KDM4C: variants seen among roughly 807,000 people sequenced by gnomAD.
The protein encoded by KDM4C is lysine demethylase 4C.
Under a neutral mutation model 129.3 loss-of-function variants are expected in KDM4C, and 81 were observed. The observed-to-expected ratio is 0.63, with a 90% CI of 0.52 to 0.75. The LOEUF is 0.75. KDM4C is among the 30% of genes least tolerant of loss of function. The pLI, the probability that KDM4C is intolerant of heterozygous loss-of-function variation, is 0.00. For missense variants in KDM4C, 1,457 were observed against 1,304.0 expected, an observed-to-expected ratio of 1.12 and a Z score of -1.81; for synonymous variants, 573 against 456.1, an observed-to-expected ratio of 1.26 and a Z score of -3.26.
At chr9:6,882,805 T>TGTGTGTGTGC (rs66830716) in intron 6 of KDM4C, among the ~76,000 whole-genome samples, 2 of 149,154 alleles carry the variant, frequency 1.3e-5, no homozygotes, top group Non-Finnish European at 3.0e-5. Context: ...TGTGTGTGTG[T>TGTGTGTGTGC]GCGCGTGTGC....
chr9:7,173,098 G>T (rs1264133197), intron 21 of KDM4C, among the ~76,000 whole-genome samples: 1 of 152,232 alleles, frequency 6.6e-6, no homozygotes, highest in Non-Finnish European at 1.5e-5. Context: ...TGGGTACACA[G>T]TCCCTAATAT....
chr9:6,887,543 C>T (rs1218457101), intron 6 of KDM4C, among the ~76,000 whole-genome samples: 1 of 152,168 alleles, frequency 6.6e-6, no homozygotes, highest in Non-Finnish European at 1.5e-5. Context: ...ATGAGTGCTT[C>T]AGGAATGCAT....
At chr9:6,792,350 ATTTTT>A (rs1826829123) in intron 1 of KDM4C, among the ~76,000 whole-genome samples, 6 of 151,634 alleles carry the variant, frequency 4.0e-5, no homozygotes, top group East Asian at 2.0e-4. Context: ...CAAAAAAAAA[ATTTTT>A]ATTTATTTTT....
intron 8 of KDM4C, among the ~76,000 whole-genome samples, chr9:6,957,198 C>T (rs898197398): frequency 2.6e-5 from 4 of 152,160 alleles, no homozygotes; most frequent in African/African-American, 7.2e-5. Flanking sequence ...TGCAAATTCT[C>T]CCTGGCACAC....
At chr9:6,897,130 G>GT (rs1329261943) in intron 8 of KDM4C, among the ~76,000 whole-genome samples, 1 of 152,140 alleles carries the variant, frequency 6.6e-6, no homozygotes, top group African/African-American at 2.4e-5. Flanking sequence ...TAAATTCTCT[G>GT]TTTTTTCAGT....
chr9:6,980,258 C>G (rs980476063), intron 8 of KDM4C, among the ~76,000 whole-genome samples: 2 of 152,144 alleles, frequency 1.3e-5, no homozygotes, highest in African/African-American at 4.8e-5. Context: ...TGACTGATAA[C>G]TATGTATTCA....
intron 8 of KDM4C, among the ~76,000 whole-genome samples, chr9:6,948,406 C>T (rs1439047182): frequency 6.8e-6 from 1 of 147,600 alleles, no homozygotes; most frequent in Non-Finnish European, 1.5e-5. Flanking sequence ...ATAAAAGTGA[C>T]CTTGTAGAAA....
intron 8 of KDM4C, among the ~76,000 whole-genome samples, chr9:6,920,305 A>G (rs1821246991): frequency 6.6e-6 from 1 of 152,182 alleles, no homozygotes; most frequent in South Asian, 2.1e-4. Flanking sequence ...AAATAAAAAA[A>G]CAGTCTTAGG....
intron 6 of KDM4C, among the ~76,000 whole-genome samples, chr9:6,884,549 A>G (rs1387201702): frequency 6.6e-6 from 1 of 152,234 alleles, no homozygotes; most frequent in Non-Finnish European, 1.5e-5. Context: ...TCATCAAAGC[A>G]TACTTGGGCA....
chr9:6,978,248 A>G (rs767805180), intron 8 of KDM4C, among the ~76,000 whole-genome samples: 1 of 152,142 alleles, frequency 6.6e-6, no homozygotes, highest in Non-Finnish European at 1.5e-5. Flanking sequence ...TTTAAACACT[A>G]TTTGCATTGT....
intron 21 of KDM4C, among the ~76,000 whole-genome samples, chr9:7,173,941 G>C (rs926363285): frequency 6.6e-6 from 1 of 152,194 alleles, no homozygotes; most frequent in Non-Finnish European, 1.5e-5. Flanking sequence ...AGAGGAGAAG[G>C]CCCAGTGCCA....
At chr9:6,931,508 T>TATA (rs1563834808) in intron 8 of KDM4C, among the ~76,000 whole-genome samples, 4 of 151,448 alleles carry the variant, frequency 2.6e-5, no homozygotes, top group Non-Finnish European at 5.9e-5. Flanking sequence ...ATATATATAT[T>TATA]TTTTTTTCAT....
chr9:6,949,404 C>T (rs899553997), intron 8 of KDM4C, among the ~76,000 whole-genome samples: 1 of 152,076 alleles, frequency 6.6e-6, no homozygotes, highest in Non-Finnish European at 1.5e-5. Context: ...CGATGAGTGG[C>T]CAGGCAGAGA....
intron 1 of KDM4C, among the ~76,000 whole-genome samples, chr9:6,778,438 C>G (rs1219027332): frequency 6.6e-6 from 1 of 152,020 alleles, no homozygotes; most frequent in Non-Finnish European, 1.5e-5. Context: ...CAAGTGACAG[C>G]TCTCTGCTTC....
In KDM4C at chr9:6,779,859, C is replaced by T. The variant is rs548178992; in HGVS notation, c.-17-13113C>T. On this transcript the variant is annotated intron_variant, in intron 1 of 21. Transcript: ENST00000381309. ...ATGGAGGTTTATTCACTCCTATTTG[C>T]GTTTTGATAATAATCCTTTCTAATA... 3.9e-5 allele frequency among the ~76,000 whole-genome samples: 6 copies of T among 152,264 alleles called. No homozygotes were observed. The East Asian group carries it at 7.7e-4, about 20-fold the overall frequency.
At chr9:6,886,600 T>C (rs540234986) in intron 6 of KDM4C, among the ~76,000 whole-genome samples, 2 of 151,462 alleles carry the variant, frequency 1.3e-5, no homozygotes, top group Non-Finnish European at 2.9e-5. Context: ...CAAGCAATTC[T>C]CCTGCCTCAG....
At chr9:6,936,573 A>G (rs1383854177) in intron 8 of KDM4C, among the ~76,000 whole-genome samples, 1 of 152,052 alleles carries the variant, frequency 6.6e-6, no homozygotes, top group Non-Finnish European at 1.5e-5. Flanking sequence ...CACTCAGCCC[A>G]TTTTCAGTTT....
At chr9:6,748,132 C>G (rs1817940755) in intron 1 of KDM4C, among the ~76,000 whole-genome samples, 1 of 151,486 alleles carries the variant, frequency 6.6e-6, no homozygotes, top group Admixed American at 6.6e-5. Flanking sequence ...CACCACTGCA[C>G]TCCAGCCTGA....
intron 2 of KDM4C, among the ~76,000 whole-genome samples, chr9:6,803,368 C>T (rs886636704): frequency 2.6e-5 from 4 of 151,808 alleles, no homozygotes; most frequent in African/African-American, 4.8e-5. Context: ...GTCAAGAGAT[C>T]GAGACCATCC....
Sources: gnomAD v4.1 joint callset for allele counts (sites outside exome capture counted in the v4.1 genomes callset) on GRCh38, gnomAD v4.1.1 for gene constraint, MANE v1.5 for transcripts, NCBI Gene and HGNC (gene_info 2026-07-23, HGNC 2026-07-21) for gene names.